The following RAB10 variants were observed in gnomAD, a reference collection of about 807,000 sequenced individuals.
The protein encoded by RAB10 is RAB10, member RAS oncogene family, also known as ras-related protein Rab-10.
RAB10 carries 5 observed loss-of-function variants against 25.7 expected under a neutral mutation model. The ratio of observed to expected loss-of-function variants is 0.19; its 90% CI spans 0.10 to 0.41. RAB10 has a LOEUF of 0.41. Ranked by LOEUF, RAB10 falls within the 10% of genes least tolerant of loss-of-function variation. The probability of loss-of-function intolerance (pLI) is 1.00; values close to 1 mark genes in which losing one functional copy is unlikely to be tolerated. For synonymous variants in RAB10, 89 were observed against 86.4 expected (o/e 1.03, Z -0.16); for missense variants, 103 against 245.8 (o/e 0.42, Z 3.89).
At chr2:26,045,748 G>A (rs2149262475) in intron 1 of RAB10, among the ~76,000 whole-genome samples, 1 of 152,232 alleles carries the variant, frequency 6.6e-6, no homozygotes, top group African/African-American at 2.4e-5. Context: ...TATTTGATTT[G>A]ATTTTTGTAG....
intron 3 of RAB10, among the ~76,000 whole-genome samples, chr2:26,121,233 G>A (rs981894280): frequency 1.3e-5 from 2 of 152,148 alleles, no homozygotes; most frequent in Non-Finnish European, 2.9e-5. Context: ...TGTTAAGCTT[G>A]TGATTCTACT....
rs912734151 is a variant in RAB10 at position 26,034,261 on chromosome 2, CG to C, written c.-347del. 2.0e-6 allele frequency: 1 copy of C among 504,560 alleles called. No homozygotes were observed. The allele number at this position is 504,560 out of a possible 1,614,324, so 31.3% of individuals were successfully genotyped here. On this transcript the variant is annotated 5_prime_UTR_variant, in exon 1 of 6. Transcript: ENST00000264710. ...TCGGGAGAGAGACTGTCCTCACGCC[CG>C]CTGCGCCTCCTCGACGGCAGAGCAG... is the stretch of plus-strand genomic sequence containing the variant.
chr2:26,127,036 C>G (rs1574564149), intron 3 of RAB10, 108 bp from the exon 4 acceptor site: 1 of 809,334 alleles, frequency 1.2e-6, no homozygotes, highest in Non-Finnish European at 1.9e-6. Flanking sequence ...TTTAAAACTT[C>G]AAAGCTATAG....
intron 2 of RAB10, among the ~76,000 whole-genome samples, chr2:26,105,505 A>G: frequency 6.6e-6 from 1 of 152,042 alleles, no homozygotes; most frequent in African/African-American, 2.4e-5. Context: ...AAATATTAAA[A>G]TTAGCTGGGC....
At chr2:26,055,840 T>G (rs1666250782) in intron 1 of RAB10, among the ~76,000 whole-genome samples, 1 of 152,072 alleles carries the variant, frequency 6.6e-6, no homozygotes, top group Non-Finnish European at 1.5e-5. Flanking sequence ...TTTTTCTGTT[T>G]TGTTTTCTTA....
At position 26,094,701 on chromosome 2, in the gene RAB10, G is replaced by A. The variant is rs558111770; in HGVS notation, c.128-3961G>A. 5.9e-5 allele frequency among the ~76,000 whole-genome samples: 9 copies of A among 152,284 alleles called. No individual in the cohort carries two copies. In the South Asian group the frequency reaches 1.7e-3, roughly 28 times the overall value. ...AGCCTCCCGAGTAGCTGGGATTACA[G>A]GCACGTGCCACCATGCCTGGCTAAT... On this transcript the variant is annotated intron_variant, in intron 1 of 5. Transcript: ENST00000264710.
intron 1 of RAB10, among the ~76,000 whole-genome samples, chr2:26,039,600 C>T (rs1361630099): frequency 2.0e-5 from 3 of 151,806 alleles, no homozygotes; most frequent in Non-Finnish European, 4.4e-5. Context: ...CCACCCACCT[C>T]GGCCTCCCAA....
At chr2:26,074,116 A>G (rs1371255200) in intron 1 of RAB10, among the ~76,000 whole-genome samples, 1 of 152,226 alleles carries the variant, frequency 6.6e-6, no homozygotes, top group Non-Finnish European at 1.5e-5. Flanking sequence ...AAAATGCAGG[A>G]TGATACAGAA....
chr2:26,104,491 G>A (rs560673896), intron 2 of RAB10, among the ~76,000 whole-genome samples: 3 of 152,288 alleles, frequency 2.0e-5, no homozygotes, highest in African/African-American at 7.2e-5. Context: ...TCCCATATCA[G>A]ATACACAAGT....
intron 1 of RAB10, among the ~76,000 whole-genome samples, chr2:26,096,169 C>G (rs934377971): frequency 1.3e-5 from 2 of 152,162 alleles, no homozygotes; most frequent in African/African-American, 4.8e-5. Flanking sequence ...AATTTGTCTG[C>G]AAATTTACTT....
At chr2:26,079,838 G>A (rs1048587418) in intron 1 of RAB10, among the ~76,000 whole-genome samples, 2 of 152,010 alleles carry the variant, frequency 1.3e-5, no homozygotes, top group African/African-American at 2.4e-5. Flanking sequence ...GCTAAATTTT[G>A]CATTTTTTGT....
chr2:26,045,677 A>G (rs1023397765), intron 1 of RAB10, among the ~76,000 whole-genome samples: 29 of 152,234 alleles, frequency 1.9e-4, no homozygotes, highest in Non-Finnish European at 3.4e-4. Flanking sequence ...TTAGCTGAAG[A>G]GATTTGCCTG....
intron 1 of RAB10, among the ~76,000 whole-genome samples, chr2:26,045,825 A>C (rs986570482): frequency 6.6e-6 from 1 of 152,292 alleles, no homozygotes; most frequent in African/African-American, 2.4e-5. Context: ...TTCCTGCCTC[A>C]GCCTCTAAAG....
At chr2:26,042,865 A>G (rs1474672102) in intron 1 of RAB10, 1 of 152,196 alleles carries the variant, frequency 6.6e-6, no homozygotes, top group Non-Finnish European at 1.5e-5. Flanking sequence ...GATGTTCAGC[A>G]TCACTAATAA....
chr2:26,113,737 C>A (rs1667627035), intron 3 of RAB10, among the ~76,000 whole-genome samples: 1 of 115,240 alleles, frequency 8.7e-6, no homozygotes. Context: ...GAGTTCCAGC[C>A]AGAGCTAAAA....
At position 26,100,911 on chromosome 2, in the gene RAB10, C is replaced by T. The variant is rs577329417; in HGVS notation, c.188+2189C>T. On this transcript the variant is annotated intron_variant, in intron 2 of 5. Coordinates refer to ENST00000264710, the MANE Select transcript of RAB10 (RefSeq NM_016131.5). ...CTGTCAGAGCTCACACCCATAGGGA[C>T]AGGAGCAAACAAGTAAATAAATATA... 2.0e-5 allele frequency among the ~76,000 whole-genome samples: 3 copies of T among 151,160 alleles called. No homozygotes were observed. In the East Asian group the frequency reaches 5.8e-4, roughly 29 times the overall value.
chr2:26,099,112 ATTAG>A (rs1667287293), intron 2 of RAB10, among the ~76,000 whole-genome samples: 1 of 152,122 alleles, frequency 6.6e-6, no homozygotes, highest in African/African-American at 2.4e-5. Flanking sequence ...CATTATTTTT[ATTAG>A]TTTGTGTTAG....
chr2:26,051,055 G>A (rs929968157), intron 1 of RAB10, among the ~76,000 whole-genome samples: 3 of 151,754 alleles, frequency 2.0e-5, no homozygotes, highest in East Asian at 1.9e-4. Context: ...TTCCCACCTC[G>A]GCCTCCTAAG....
chr2:26,122,159 C>G (rs1269428511), intron 3 of RAB10, among the ~76,000 whole-genome samples: 1 of 152,040 alleles, frequency 6.6e-6, no homozygotes, highest in African/African-American at 2.4e-5. Flanking sequence ...CTGTGGTTGC[C>G]CGTTATTTCA....
Sources: allele counts gnomAD v4.1 joint callset (sites outside exome capture counted in the v4.1 genomes callset), GRCh38; gene constraint gnomAD v4.1.1; transcripts MANE v1.5; gene names NCBI Gene and HGNC (gene_info 2026-07-23, HGNC 2026-07-21).